Variants in BSN observed in about 807,000 individuals in gnomAD.
BSN encodes bassoon presynaptic cytomatrix protein, also known as protein bassoon.
Under a neutral mutation model 264.8 loss-of-function variants are expected in BSN, and 57 were observed. The ratio of observed to expected loss-of-function variants is 0.22; its 90% CI spans 0.17 to 0.27. The LOEUF (loss-of-function observed/expected upper bound fraction) is 0.27, where lower values mean the gene tolerates loss of function less well. BSN is among the 10% of genes least tolerant of loss of function. BSN has a pLI of 1.00. For missense variants in BSN, 4,615 were observed against 5,232.5 expected, an observed-to-expected ratio of 0.88 and a Z score of 3.64; for synonymous variants, 2,059 against 2,137.3, an observed-to-expected ratio of 0.96 and a Z score of 1.01.
chr3:49,575,014 C>T (rs893831357), intron 1 of BSN, among the ~76,000 whole-genome samples: 22 of 152,042 alleles, frequency 1.4e-4, no homozygotes, highest in Non-Finnish European at 2.6e-4. Context: ...TGATGAGACT[C>T]TTCTGGAATT....
At position 49,654,798 on chromosome 3, in the gene BSN, C is replaced by T. The variant is rs2052581419; in HGVS notation, c.5242C>T (p.Pro1748Ser). 6.2e-7 allele frequency: 1 copy of T among 1,613,478 alleles called. No homozygotes were observed. Among genetic ancestry groups the T allele is most frequent in the Admixed American group, 1.7e-5 (1 of 60,006 alleles). ...TGTGTTCATGGCTCAACAAAAGCAGCCTGTGGTCTATGGAGACCCCTACCA... is the reference window on the plus strand; with the variant it reads ...TGTGTTCATGGCTCAACAAAAGCAGTCTGTGGTCTATGGAGACCCCTACCA... ...SSVFMAQQKQ[P>S]VVYGDPYQSR... Residue 1748 changes from proline (P) to serine (S), a missense_variant, in exon 5 of 12, where the codon CCT becomes TCT. Coordinates refer to ENST00000296452, the MANE Select transcript of BSN (RefSeq NM_003458.4). The surrounding 1 kb of genome is among the most constrained non-coding windows in gnomAD (Gnocchi z 4.1).
At chr3:49,658,284 G>A (rs1559617968) in intron 5 of BSN, 88 bp downstream of exon 5, 15 of 1,421,544 alleles carry the variant, frequency 1.1e-5, no homozygotes, top group Non-Finnish European at 1.4e-5. Context: ...TTCTGGGGTG[G>A]GAGTAGAGGC....
rs748005672 is a variant in BSN at position 49,654,794 on chromosome 3, G to A, written c.5238G>A (p.Lys1746=). Residue 1746 remains lysine (K), a synonymous_variant, in exon 5 of 12, where the codon AAG becomes AAA. Coordinates refer to ENST00000296452, the MANE Select transcript of BSN (RefSeq NM_003458.4). The surrounding 1 kb of genome is among the most constrained non-coding windows in gnomAD (Gnocchi z 4.1). The part of the protein sequence containing the change: ...MASSVFMAQQ[K]QPVVYGDPYQ... ...CGTCTGTGTTCATGGCTCAACAAAA[G>A]CAGCCTGTGGTCTATGGAGACCCCT... 3 of 1,613,380 alleles carry A rather than the reference G, an allele frequency of 1.9e-6. No homozygotes were observed. The highest frequency in any genetic ancestry group is 1.7e-5 in the Admixed American group (1 of 59,992).
chr3:49,599,991 C>A (rs560777907), intron 1 of BSN, among the ~76,000 whole-genome samples: 1 of 152,204 alleles, frequency 6.6e-6, no homozygotes, highest in Non-Finnish European at 1.5e-5. Flanking sequence ...CCCTGGCCTG[C>A]TTCTGGGGCC....
intron 1 of BSN, among the ~76,000 whole-genome samples, chr3:49,576,078 A>G (rs1299451404): frequency 6.6e-6 from 1 of 152,136 alleles, no homozygotes; most frequent in African/African-American, 2.4e-5. Flanking sequence ...TGTAAGAGAC[A>G]AGGTGTTGTC....
chr3:49,661,091 C>G lies in BSN; in HGVS notation c.9246C>G (p.Thr3082=), dbSNP rs148698248. Residue 3082 remains threonine, a synonymous_variant, in exon 6 of 12, where the codon ACC becomes ACG. Transcript: ENST00000296452. ...QNGFPAHQAP[T]YPGPSTYPAP... is the part of the protein sequence containing the mutation. ...GATTCCCAGCCCACCAGGCCCCCACCTACCCTGGCCCCAGCACGTACCCAG... is the reference window on the plus strand; with the variant it reads ...GATTCCCAGCCCACCAGGCCCCCACGTACCCTGGCCCCAGCACGTACCCAG... 6.2e-7 allele frequency: 1 copy of G among 1,612,730 alleles called. No homozygotes were observed. Among genetic ancestry groups the G allele is most frequent in the Non-Finnish European group, 8.5e-7 (1 of 1,179,922 alleles).
chr3:49,622,371 A>G (rs1300701530), intron 1 of BSN, among the ~76,000 whole-genome samples: 1 of 152,226 alleles, frequency 6.6e-6, no homozygotes, highest in Admixed American at 6.5e-5. Context: ...GTGGGTGCAC[A>G]TCAATGCCAG....
intron 1 of BSN, among the ~76,000 whole-genome samples, chr3:49,571,836 T>C (rs753008672): frequency 6.6e-6 from 1 of 151,760 alleles, no homozygotes; most frequent in Non-Finnish European, 1.5e-5. Flanking sequence ...GCAGTGGGGG[T>C]GGGTTTAGGC....
intron 2 of BSN, among the ~76,000 whole-genome samples, chr3:49,633,133 C>T (rs2052393795): frequency 6.6e-6 from 1 of 151,694 alleles, no homozygotes. Context: ...GAAACTCTGT[C>T]TCTACTGAAA....
At position 49,554,648 on chromosome 3, in the gene BSN, C is replaced by G; in HGVS notation, c.46C>G (p.Leu16Val). The G allele has an allele frequency of 4.1e-6, 4 of 985,566 alleles. No individual in the cohort carries two copies. Among genetic ancestry groups the G allele is most frequent in the Non-Finnish European group, 4.8e-6 (4 of 831,368 alleles). 61.1% of individuals were successfully genotyped at this position (985,566 alleles called of 1,614,324 possible). A position where few individuals can be genotyped will look rare whatever the true frequency, so the allele number is the denominator to read the frequency against. Residue 16 changes from leucine to valine, a missense_variant, in exon 1 of 12, where the codon CTG becomes GTG. Around this residue, in one of 3 missense-constraint regions of BSN, gnomAD observed 1,197 missense variants for 1,348.0 expected, o/e 0.89. Transcript: ENST00000296452. ...GGAGGGCGGCGCTGGCGACGGGCCG[C>G]TGCCGCCCGGCGGCGCCGGCCCCGG... ...SLEGGAGDGPLPPGGAGPGPG... is the reference protein window; with the variant it reads ...SLEGGAGDGPVPPGGAGPGPG...
chr3:49,589,212 G>A (rs902818396), intron 1 of BSN, among the ~76,000 whole-genome samples: 9 of 150,634 alleles, frequency 6.0e-5, no homozygotes, highest in Non-Finnish European at 1.0e-4. Context: ...GCGCCCGGCC[G>A]GGTGGAGTGT....
intron 3 of BSN, among the ~76,000 whole-genome samples, chr3:49,647,041 G>A (rs1170659629): frequency 6.6e-6 from 1 of 152,216 alleles, no homozygotes; most frequent in Admixed American, 6.5e-5. Context: ...CCCCTGGTCT[G>A]GCAGCAGGGC....
At chr3:49,569,327 GC>G (rs1319699044) in intron 1 of BSN, among the ~76,000 whole-genome samples, 1 of 152,110 alleles carries the variant, frequency 6.6e-6, no homozygotes, top group Admixed American at 6.5e-5. Flanking sequence ...GGAAATTGAG[GC>G]AATACTAGGG....
At position 49,643,020 on chromosome 3, in the gene BSN, G is replaced by T; in HGVS notation, c.1386G>T (p.Arg462Ser). 6.2e-7 allele frequency: 1 copy of T among 1,614,104 alleles called. No individual in the cohort carries two copies. Among genetic ancestry groups the T allele is most frequent in the Non-Finnish European group, 8.5e-7 (1 of 1,180,040 alleles). The change falls in exon 3 of 12, where the codon AGG (arginine) becomes AGT (serine). Residue 462 changes from arginine to serine, a missense_variant. By Grantham distance (110) the Arg-to-Ser change is moderately radical. This residue lies in a region of BSN where 1,197 missense variants were observed against 1,348.0 expected (regional missense o/e 0.89). Transcript: ENST00000296452. The part of the protein sequence containing the change: ...AAKPKTMPKE[R>S]AICPLCQAEL... ...AGCCAAAGACCATGCCGAAGGAAAG[G>T]GCCATCTGCCCACTGTGCCAAGCCG...
Position 49,664,679 on chromosome 3 carries a change from G to T in BSN, c.11741-120G>T. The T allele has an allele frequency of 4.5e-6, 7 of 1,547,390 alleles. No homozygotes were observed. The East Asian group carries it at 1.1e-4, about 25-fold the overall frequency. On this transcript the variant is annotated intron_variant, in intron 9 of 11. Coordinates refer to ENST00000296452, the MANE Select transcript of BSN (RefSeq NM_003458.4). ...CAGAGAGCCCACCTGCTGATGCCCA[G>T]TTGTTCTCCGGGCAATCTCTGCCCC...
intron 1 of BSN, among the ~76,000 whole-genome samples, chr3:49,601,822 GAA>G (rs774399492): frequency 1.3e-5 from 2 of 152,178 alleles, no homozygotes; most frequent in Non-Finnish European, 2.9e-5. Context: ...TTAGATTTCT[GAA>G]AACTGTAGGA....
chr3:49,667,407 A>G (rs2052720335), intron 11 of BSN, among the ~76,000 whole-genome samples, 183 bp from the exon 12 acceptor site: 1 of 151,750 alleles, frequency 6.6e-6, no homozygotes, highest in Admixed American at 6.6e-5. Context: ...TGTGACCTCC[A>G]ACCTGCCCAA....
intron 1 of BSN, among the ~76,000 whole-genome samples, chr3:49,576,324 G>A (rs1336328010): frequency 6.6e-6 from 1 of 152,056 alleles, no homozygotes; most frequent in African/African-American, 2.4e-5. Flanking sequence ...TCCCTTTCTG[G>A]CCAGGGCTGT....
chr3:49,643,813 G>A (rs2052486193), intron 3 of BSN, among the ~76,000 whole-genome samples: 1 of 152,224 alleles, frequency 6.6e-6, no homozygotes, highest in Non-Finnish European at 1.5e-5. Flanking sequence ...CCCACAGGAA[G>A]GTTTGAGACA....
Sources: gnomAD v4.1 joint callset for allele counts (sites outside exome capture counted in the v4.1 genomes callset) on GRCh38, gnomAD v4.1.1 for gene constraint, gnomAD v4.1.1 regional missense constraint, Gnocchi (gnomAD v3.1) non-coding constraint, MANE v1.5 for transcripts, NCBI Gene and HGNC (gene_info 2026-07-23, HGNC 2026-07-21) for gene names.